Variants in NCOR2 observed in about 807,000 individuals in gnomAD.
NCOR2 encodes nuclear receptor corepressor 2.
NCOR2 carries 81 observed loss-of-function variants against 262.9 expected under a neutral mutation model. The ratio of observed to expected loss-of-function variants is 0.31; its 90% CI spans 0.26 to 0.37. The LOEUF (loss-of-function observed/expected upper bound fraction) is 0.37. NCOR2 is among the 10% of genes least tolerant of loss of function. The probability of loss-of-function intolerance (pLI) is 1.00; values close to 1 mark genes in which losing one functional copy is unlikely to be tolerated. For missense variants in NCOR2, 3,385 were observed against 3,621.4 expected, an observed-to-expected ratio of 0.93 and a Z score of 1.68; for synonymous variants, 1,659 against 1,559.3, an observed-to-expected ratio of 1.06 and a Z score of -1.51.
At chr12:124,362,328 C>A in intron 21 of NCOR2, 31 bp from the exon 24 acceptor site, 1 of 1,335,126 alleles carries the variant, frequency 7.5e-7, no homozygotes, top group African/African-American at 1.5e-5. Flanking sequence ...TGAGCATTCA[C>A]AGAGGGTGTC....
At chr12:124,480,682 G>T (rs931699616) in intron 3 of NCOR2, among the ~76,000 whole-genome samples, 2 of 152,046 alleles carry the variant, frequency 1.3e-5, no homozygotes, top group African/African-American at 4.8e-5. Flanking sequence ...GGACACACAC[G>T]TGGGAGGTGT....
At chr12:124,460,609 T>A (rs1018254569) in intron 5 of NCOR2, among the ~76,000 whole-genome samples, 1 of 152,212 alleles carries the variant, frequency 6.6e-6, no homozygotes, top group East Asian at 1.9e-4. Flanking sequence ...GGGCAGGCCC[T>A]GTCTCCCTGC....
chr12:124,400,254 A>G (rs1225480967), intron 15 of NCOR2, among the ~76,000 whole-genome samples: 1 of 151,906 alleles, frequency 6.6e-6, no homozygotes, highest in African/African-American at 2.4e-5. Context: ...CTGTCCCCCC[A>G]CGTTAGAGGT....
At chr12:124,405,365 G>A (rs2042222083) in intron 13 of NCOR2, among the ~76,000 whole-genome samples, 1 of 152,192 alleles carries the variant, frequency 6.6e-6, no homozygotes, top group African/African-American at 2.4e-5. Flanking sequence ...GGGCAGGGGT[G>A]CCTTCCACCC....
At position 124,428,818 on chromosome 12, in the gene NCOR2, G is replaced by C. The variant is rs896045456; in HGVS notation, c.1149+795C>G. ...GCTATAATCTCCCATCTGGACAAAA[G>C]CTCTCCCTGGACAAAAGTCCCCAGA... On this transcript the variant is annotated intron_variant, in intron 10 of 46. Transcript: ENST00000405201. Among the ~76,000 whole-genome samples the C allele has an allele frequency of 2.6e-5, 4 of 152,228 alleles. 1 individual carries two copies. The highest frequency in any genetic ancestry group is 5.9e-5 in the Non-Finnish European group (4 of 68,036).
intron 11 of NCOR2, among the ~76,000 whole-genome samples, chr12:124,425,411 G>A (rs182207433): frequency 7.2e-5 from 11 of 152,184 alleles, no homozygotes; most frequent in Non-Finnish European, 1.6e-4. Context: ...AAAACCTTAT[G>A]AGATTTTTTT....
chr12:124,352,461 C>T (rs2037572622), intron 27 of NCOR2, among the ~76,000 whole-genome samples: 1 of 152,084 alleles, frequency 6.6e-6, no homozygotes, highest in Non-Finnish European at 1.5e-5. Flanking sequence ...CAGCCTCAAA[C>T]TCCTGGGCTC....
intron 1 of NCOR2, among the ~76,000 whole-genome samples, chr12:124,567,071 C>T (rs1455425546): frequency 6.6e-6 from 1 of 152,162 alleles, no homozygotes; most frequent in Non-Finnish European, 1.5e-5. Flanking sequence ...CCCTCCTTCC[C>T]GCCCCCTCGC....
At chr12:124,359,177 C>T (rs1456698095) in intron 22 of NCOR2, among the ~76,000 whole-genome samples, 6 of 152,226 alleles carry the variant, frequency 3.9e-5, no homozygotes. Flanking sequence ...AGCTCTGAAC[C>T]TCTCCCTGAG....
Position 124,516,028 on chromosome 12 carries a change from G to A in NCOR2, c.-118+19537C>T, listed in dbSNP as rs116267213. 2.0e-5 allele frequency among the ~76,000 whole-genome samples: 3 copies of A among 152,304 alleles called. No individual in the cohort carries two copies. In the South Asian group the frequency reaches 6.2e-4, roughly 32 times the overall value. On this transcript the variant is annotated intron_variant, in intron 1 of 46. Transcript: ENST00000404621. Reference sequence around the variant, plus strand: ...GTGGCCAACCCAAGTGGACACCAAGGCCCTGGGGGTGACAAGGGGACATGG... The same window carrying A: ...GTGGCCAACCCAAGTGGACACCAAGACCCTGGGGGTGACAAGGGGACATGG...
chr12:124,383,155 C>T (rs1648520900), intron 17 of NCOR2, among the ~76,000 whole-genome samples: 1 of 152,236 alleles, frequency 6.6e-6, no homozygotes, highest in Non-Finnish European at 1.5e-5. Context: ...TGCAGGCAGC[C>T]ACCCAGTGTA....
At chr12:124,327,724 A>AG in intron 44 of NCOR2, 91 bp from the exon 47 acceptor site, 1 of 885,508 alleles carries the variant, frequency 1.1e-6, no homozygotes, top group South Asian at 1.6e-5. Flanking sequence ...GGAGAGAGAG[A>AG]GGGAAGGAGG....
At chr12:124,510,062 C>T (rs950046048) in intron 1 of NCOR2, among the ~76,000 whole-genome samples, 1 of 152,246 alleles carries the variant, frequency 6.6e-6, no homozygotes, top group African/African-American at 2.4e-5. Context: ...GGAGCCACCA[C>T]ATGGGCTGTA....
intron 16 of NCOR2, among the ~76,000 whole-genome samples, chr12:124,386,341 C>CGGGT (rs2040805608): frequency 6.6e-6 from 1 of 151,892 alleles, no homozygotes; most frequent in African/African-American, 2.4e-5. Context: ...CCTCGGGAGA[C>CGGGT]GGGTTGTTTT....
intron 7 of NCOR2, among the ~76,000 whole-genome samples, chr12:124,449,499 G>A (rs761338719): frequency 2.6e-5 from 4 of 152,162 alleles, no homozygotes; most frequent in South Asian, 2.1e-4. Context: ...CCTCCTGCTC[G>A]AACAGGATGC....
upstream of NCOR2, among the ~76,000 whole-genome samples, chr12:124,496,256 C>T (rs1479897094): frequency 6.6e-6 from 1 of 151,778 alleles, no homozygotes; most frequent in Non-Finnish European, 1.5e-5. This position sits in a 1 kb window ranked among gnomAD's most constrained non-coding sequence, Gnocchi z 4.4. Context: ...GGCTTCTCCC[C>T]TTCCTCCGCC....
chr12:124,377,375 T>C (rs983079610), intron 18 of NCOR2, among the ~76,000 whole-genome samples: 8 of 152,092 alleles, frequency 5.3e-5, no homozygotes, highest in African/African-American at 1.2e-4. Flanking sequence ...GGTTTCCCCA[T>C]AGAGAAAACG....
At chr12:124,430,822 C>T in intron 8 of NCOR2, 35 bp from the exon 11 acceptor site, 1 of 1,564,918 alleles carries the variant, frequency 6.4e-7, no homozygotes, top group Non-Finnish European at 8.7e-7. Flanking sequence ...GGAAGATGCT[C>T]CTGCACCTGG....
intron 28 of NCOR2, 111 bp downstream of exon 30, chr12:124,350,476 T>C: frequency 1.4e-6 from 2 of 1,416,100 alleles, no homozygotes; most frequent in Non-Finnish European, 1.9e-6. Context: ...TCACCACCTA[T>C]CAGATTGTGC....
Sources: gnomAD v4.1 joint callset for allele counts (sites outside exome capture counted in the v4.1 genomes callset) on GRCh38, gnomAD v4.1.1 for gene constraint, Gnocchi (gnomAD v3.1) non-coding constraint, MANE v1.5 for transcripts, NCBI Gene and HGNC (gene_info 2026-07-23, HGNC 2026-07-21) for gene names.